Variants in LVRN observed in about 807,000 individuals in gnomAD.
LVRN encodes the protein aminopeptidase Q.
LVRN carries 99 observed loss-of-function variants against 111.4 expected under a neutral mutation model. The observed-to-expected ratio is 0.89, with a 90% CI of 0.76 to 1.05. The LOEUF (loss-of-function observed/expected upper bound fraction) is 1.05. Among genes scored for constraint, LVRN ranks in the 50% least tolerant of loss-of-function variants. The probability of loss-of-function intolerance (pLI) is 0.00; values close to 1 mark genes in which losing one functional copy is unlikely to be tolerated. For synonymous variants in LVRN, 488 were observed against 449.5 expected, an observed-to-expected ratio of 1.09 and a Z score of -1.08; for missense variants, 1,414 against 1,206.8, an observed-to-expected ratio of 1.17 and a Z score of -2.54.
At chr5:115,999,119 ACT>A (rs757578014) in intron 6 of LVRN, among the ~76,000 whole-genome samples, 2 of 151,676 alleles carry the variant, frequency 1.3e-5, no homozygotes, top group Non-Finnish European at 2.9e-5. Context: ...TCATCACAAG[ACT>A]CTCTGGCTAT....
intron 13 of LVRN, among the ~76,000 whole-genome samples, chr5:116,009,577 G>A (rs1172234346): frequency 2.0e-5 from 3 of 152,062 alleles, no homozygotes; most frequent in Non-Finnish European, 4.4e-5. Flanking sequence ...ATGAAAGGAG[G>A]TAAAAAAAAT....
chr5:115,964,250 T>G (rs1753154918), intron 1 of LVRN, among the ~76,000 whole-genome samples: 1 of 152,130 alleles, frequency 6.6e-6, no homozygotes, highest in South Asian at 2.1e-4. Context: ...CTGCATGTAC[T>G]TTGCCCTTTA....
intron 13 of LVRN, among the ~76,000 whole-genome samples, chr5:116,009,129 G>C (rs59521270): frequency 0.065 from 9,902 of 152,096 alleles, 512 homozygotes; most frequent in East Asian, 0.24. Context: ...TAAATCCTAG[G>C]GTCCTTAAAC....
intron 6 of LVRN, among the ~76,000 whole-genome samples, chr5:115,998,907 G>A (rs929461205): frequency 2.6e-5 from 4 of 152,168 alleles, no homozygotes; most frequent in Non-Finnish European, 5.9e-5. Flanking sequence ...AATAGAAAGG[G>A]ATTGATGAGA....
At chr5:115,975,804 TG>T (rs1406217217) in intron 1 of LVRN, 1 of 152,728 alleles carries the variant, frequency 6.5e-6, no homozygotes, top group Non-Finnish European at 1.5e-5. Context: ...TGCTTGCACT[TG>T]GGATATTGAA....
chr5:115,985,423 A>G lies in LVRN; in HGVS notation c.978+714A>G, dbSNP rs115718311. Among the ~76,000 whole-genome samples the G allele has an allele frequency of 3.2e-3, 483 of 152,256 alleles. 2 individuals are homozygous for G. Among genetic ancestry groups the G allele is most frequent in the Non-Finnish European group, 5.0e-3 (341 of 68,008 alleles). On this transcript the variant is annotated intron_variant, in intron 3 of 19. Transcript: ENST00000357872. ...AGGGCTTATATCTTGGGGGAAAAGC[A>G]TACGTGCCCCGGAAGGAATTTGTAG...
At chr5:116,014,353 C>G in intron 15 of LVRN, 67 bp from the exon 16 acceptor site, 1 of 1,097,896 alleles carries the variant, frequency 9.1e-7, no homozygotes, top group South Asian at 1.3e-5. Flanking sequence ...AACACATATT[C>G]TTGGAGGCAG....
At chr5:115,987,091 C>T (rs1021924862) in intron 3 of LVRN, among the ~76,000 whole-genome samples, 7 of 151,578 alleles carry the variant, frequency 4.6e-5, no homozygotes, top group African/African-American at 1.7e-4. Context: ...AATGTTAAAA[C>T]AATAGGATAT....
chr5:115,993,673 C>T (rs1253860152), intron 5 of LVRN, 68 bp from the exon 6 acceptor site: 16 of 967,638 alleles, frequency 1.7e-5, no homozygotes, highest in Non-Finnish European at 2.2e-5. Flanking sequence ...ACTTAACATG[C>T]AATTACAACG....
At chr5:115,988,905 T>C (rs1365921041) in intron 4 of LVRN, among the ~76,000 whole-genome samples, 2 of 152,058 alleles carry the variant, frequency 1.3e-5, no homozygotes, top group Non-Finnish European at 2.9e-5. Context: ...CAAGAAAAGT[T>C]CTATTTGTAT....
chr5:116,019,872 G>T (rs1336485290), intron 18 of LVRN: 1 of 152,238 alleles, frequency 6.6e-6, no homozygotes, highest in Non-Finnish European at 1.5e-5. Flanking sequence ...AGTGACCAGT[G>T]CTGTGGTTTT....
chr5:115,988,648 A>G (rs1305741700), intron 4 of LVRN, among the ~76,000 whole-genome samples: 1 of 152,164 alleles, frequency 6.6e-6, no homozygotes, highest in Non-Finnish European at 1.5e-5. Context: ...ATAGTGGAAG[A>G]AGGTAGGGAG....
chr5:115,992,192 C>T lies in LVRN; in HGVS notation c.1175C>T (p.Ser392Leu), dbSNP rs1748008623. 1.2e-6 allele frequency: 2 copies of T among 1,613,736 alleles called. No individual in the cohort carries two copies. The highest frequency in any genetic ancestry group is 1.7e-6 in the Non-Finnish European group (2 of 1,179,868). The change falls in exon 5 of 20, where the codon TCA becomes TTA. Residue 392 changes from serine to leucine, a missense_variant. Ser to Leu is a moderately radical substitution (Grantham distance 145, BLOSUM62 -2). Transcript: ENST00000357872. Reference protein sequence around the residue: ...ENWGLMIFDESGLLLEPKDQL... With the variant: ...ENWGLMIFDELGLLLEPKDQL... ...TGGGGACTAATGATATTTGATGAAT[C>T]AGGATTGTTGTTGGAACCAAAAGAT...
chr5:116,002,256 C>CT (rs1220828031), intron 10 of LVRN, among the ~76,000 whole-genome samples: 1 of 152,182 alleles, frequency 6.6e-6, no homozygotes, highest in Non-Finnish European at 1.5e-5. Context: ...TGCCCAAACT[C>CT]TGAGTAGTGT....
intron 13 of LVRN, among the ~76,000 whole-genome samples, chr5:116,006,556 C>T (rs2112615523): frequency 6.6e-6 from 1 of 152,262 alleles, no homozygotes; most frequent in South Asian, 2.1e-4. Context: ...CTACATCCAC[C>T]TGAAAATGTC....
rs1158597018 is a variant in LVRN, at chr5:115,962,850, T to C, written c.233T>C (p.Leu78Pro). Residue 78 changes from leucine (L) to proline (P), a missense_variant, in exon 1 of 20, where the codon CTA becomes CCA. By Grantham distance (98) the Leu-to-Pro change is moderately conservative. Transcript: ENST00000357872. ...PTPKPSSARELAVTTTPSNWR... is the reference protein window; with the variant it reads ...PTPKPSSAREPAVTTTPSNWR... ...CCGAAACCCAGCAGTGCACGCGAGC[T>C]AGCGGTGACGACCACCCCGAGCAAC... The C allele has an allele frequency of 1.2e-6, 2 of 1,612,752 alleles. No homozygotes were observed. Among genetic ancestry groups the C allele is most frequent in the Non-Finnish European group, 1.7e-6 (2 of 1,179,722 alleles).
intron 19 of LVRN, among the ~76,000 whole-genome samples, chr5:116,025,011 T>A (rs1201392302): frequency 2.6e-5 from 4 of 152,130 alleles, no homozygotes; most frequent in Non-Finnish European, 5.9e-5. Flanking sequence ...CTCCTAGACA[T>A]ACTCTCAAGC....
intron 1 of LVRN, among the ~76,000 whole-genome samples, chr5:115,971,375 CT>C (rs1753322210): frequency 6.6e-6 from 1 of 152,052 alleles, no homozygotes; most frequent in Non-Finnish European, 1.5e-5. Context: ...ATATATCAAG[CT>C]TTTGTTGTTG....
intron 11 of LVRN, 73 bp from the exon 12 acceptor site, chr5:116,003,168 G>A: frequency 7.6e-7 from 1 of 1,320,100 alleles, no homozygotes; most frequent in Non-Finnish European, 1.1e-6. Flanking sequence ...TTAGAATCGA[G>A]TGTGTAGTAT....
Sources: gnomAD v4.1 joint callset for allele counts (sites outside exome capture counted in the v4.1 genomes callset) on GRCh38, gnomAD v4.1.1 for gene constraint, MANE v1.5 for transcripts, NCBI Gene and HGNC (gene_info 2026-07-23, HGNC 2026-07-21) for gene names.